The following ZFPM2 variants were observed in gnomAD, a reference collection of about 807,000 sequenced individuals.
ZFPM2 encodes zinc finger protein, FOG family member 2, also known as zinc finger protein ZFPM2.
In ZFPM2, 20 loss-of-function variants were observed where a neutral mutation model predicts 98.6. That is an observed-to-expected ratio of 0.20 (90% CI 0.14 to 0.29). ZFPM2 has a LOEUF of 0.29. ZFPM2 is among the 10% of genes least tolerant of loss of function. The pLI is 1.00. For synonymous variants in ZFPM2, 518 were observed against 502.7 expected (o/e 1.03, Z -0.41); for missense variants, 1,310 against 1,388.6 (o/e 0.94, Z 0.90).
At chr8:105,437,574 G>A (rs1035292179) in intron 2 of ZFPM2, among the ~76,000 whole-genome samples, 1 of 152,148 alleles carries the variant, frequency 6.6e-6, no homozygotes, top group African/African-American at 2.4e-5. Context: ...TCACTCAGTC[G>A]AAGTACTTTT....
intron 5 of ZFPM2, among the ~76,000 whole-genome samples, chr8:105,736,316 A>C (rs575595610): frequency 6.6e-6 from 1 of 152,138 alleles, no homozygotes; most frequent in African/African-American, 2.4e-5. Context: ...TTAGACATTT[A>C]GAAATATTTG....
chr8:105,444,551 T>A (rs1039946300), intron 3 of ZFPM2, among the ~76,000 whole-genome samples, 170 bp downstream of exon 3: 4 of 152,234 alleles, frequency 2.6e-5, no homozygotes, highest in African/African-American at 9.6e-5. Context: ...ATTTTTGTTA[T>A]ATAAATTATA....
At chr8:105,552,812 C>CTTTT (rs781365155) in intron 3 of ZFPM2, among the ~76,000 whole-genome samples, 12 of 112,462 alleles carry the variant, frequency 1.1e-4, no homozygotes, top group African/African-American at 2.9e-4. Flanking sequence ...TTCAGATGTT[C>CTTTT]TTTTTTTTTT....
chr8:105,464,007 C>T (rs1812750573), intron 3 of ZFPM2, among the ~76,000 whole-genome samples: 2 of 152,070 alleles, frequency 1.3e-5, no homozygotes. Context: ...CTTCTCTGTT[C>T]CCTTTGTTTC....
intron 5 of ZFPM2, among the ~76,000 whole-genome samples, chr8:105,680,166 T>C (rs375723982): frequency 2.0e-5 from 3 of 152,306 alleles, no homozygotes; most frequent in East Asian, 3.9e-4. Flanking sequence ...ATATCAAACA[T>C]TGGAGGCTTG....
intron 6 of ZFPM2, among the ~76,000 whole-genome samples, chr8:105,791,834 G>A (rs933822999): frequency 1.3e-5 from 2 of 152,000 alleles, no homozygotes; most frequent in Non-Finnish European, 2.9e-5. Context: ...TGTATGTGTC[G>A]AGGAATTTAT....
chr8:105,409,042 G>C (rs1219757020), intron 1 of ZFPM2, among the ~76,000 whole-genome samples: 1 of 151,842 alleles, frequency 6.6e-6, no homozygotes, highest in Non-Finnish European at 1.5e-5. Flanking sequence ...AGTGGAACAT[G>C]TGTGTGATCT....
At chr8:105,414,043 T>C (rs1207133925) in intron 1 of ZFPM2, among the ~76,000 whole-genome samples, 3 of 151,940 alleles carry the variant, frequency 2.0e-5, no homozygotes, top group Non-Finnish European at 4.4e-5. Context: ...CCCAGTATTC[T>C]GAAACAATCT....
intron 5 of ZFPM2, among the ~76,000 whole-genome samples, chr8:105,696,612 G>A (rs752461792): frequency 1.4e-4 from 21 of 152,102 alleles, no homozygotes; most frequent in African/African-American, 2.2e-4. Flanking sequence ...AATAGCATTC[G>A]CATAGCTGCC....
intron 4 of ZFPM2, among the ~76,000 whole-genome samples, chr8:105,587,279 A>G (rs899767665): frequency 7.3e-5 from 8 of 109,446 alleles, no homozygotes; most frequent in South Asian, 3.1e-4. Context: ...TCTGTCTCAG[A>G]AAAAAAAAAA....
At chr8:105,385,580 G>C (rs1200178157) in intron 1 of ZFPM2, among the ~76,000 whole-genome samples, 1 of 152,158 alleles carries the variant, frequency 6.6e-6, no homozygotes, top group Non-Finnish European at 1.5e-5. Context: ...TTATCTGTCA[G>C]TAATGTACGT....
At position 105,781,814 on chromosome 8, in the gene ZFPM2, A is replaced by G. The variant is rs148755798; in HGVS notation, c.533-6904A>G. Among the ~76,000 whole-genome samples the G allele has an allele frequency of 4.5e-3, 684 of 152,310 alleles. 7 individuals are homozygous for G. Among genetic ancestry groups the G allele is most frequent in the Admixed American group, 0.032 (482 of 15,292 alleles). Reference sequence around the variant, plus strand: ...GCTATGCATTTAAAAACTCTATCTAATAACTAACTATGTAACCTGCCTAAT... The same window carrying G: ...GCTATGCATTTAAAAACTCTATCTAGTAACTAACTATGTAACCTGCCTAAT... On this transcript the variant is annotated intron_variant, in intron 5 of 7. Transcript: ENST00000407775.
At chr8:105,604,833 A>G (rs967408994) in intron 4 of ZFPM2, among the ~76,000 whole-genome samples, 13 of 152,178 alleles carry the variant, frequency 8.5e-5, no homozygotes, top group African/African-American at 3.1e-4. Flanking sequence ...ACCTAAAATC[A>G]CCTTATAGTT....
At chr8:105,571,603 G>A (rs1815355532) in intron 4 of ZFPM2, among the ~76,000 whole-genome samples, 1 of 152,104 alleles carries the variant, frequency 6.6e-6, no homozygotes, top group African/African-American at 2.4e-5. Context: ...AATTAGTTTG[G>A]CAGGATATGC....
chr8:105,601,616 C>T (rs1816093730), intron 4 of ZFPM2, among the ~76,000 whole-genome samples: 1 of 152,074 alleles, frequency 6.6e-6, no homozygotes, highest in Non-Finnish European at 1.5e-5. Context: ...TTATACCCCT[C>T]TCTGTCTTTT....
At chr8:105,471,038 C>CT (rs1459270242) in intron 3 of ZFPM2, among the ~76,000 whole-genome samples, 1 of 151,982 alleles carries the variant, frequency 6.6e-6, no homozygotes, top group African/African-American at 2.4e-5. Flanking sequence ...TATTGAAAAT[C>CT]TTTTTTCTGC....
At chr8:105,501,184 CT>C (rs147662695) in intron 3 of ZFPM2, among the ~76,000 whole-genome samples, 33,196 of 127,146 alleles carry the variant, frequency 0.26, 3,587 homozygotes, top group South Asian at 0.36. Context: ...TTACTTTTCT[CT>C]TTTTTTTTTT....
At chr8:105,472,169 A>G (rs1464364977) in intron 3 of ZFPM2, among the ~76,000 whole-genome samples, 2 of 152,200 alleles carry the variant, frequency 1.3e-5, no homozygotes, top group Non-Finnish European at 2.9e-5. Flanking sequence ...GTACACCAAT[A>G]TGCTTTCAAA....
In ZFPM2 at chr8:105,323,418, G is replaced by A. The variant is rs115903361; in HGVS notation, c.40+4437G>A. On this transcript the variant is annotated intron_variant, in intron 1 of 7. Coordinates refer to ENST00000407775, the MANE Select transcript of ZFPM2 (RefSeq NM_012082.4). Reference sequence around the variant, plus strand: ...TTTGGTCTGTAATACTTCTCATATTGGAGATTTTTATTTTCTACATTTTTG... The same window carrying A: ...TTTGGTCTGTAATACTTCTCATATTAGAGATTTTTATTTTCTACATTTTTG... Among the ~76,000 whole-genome samples, 1,024 of 151,644 alleles carry A rather than the reference G, an allele frequency of 6.8e-3. 7 individuals carry two copies. Among genetic ancestry groups the A allele is most frequent in the African/African-American group, 0.023 (969 of 41,402 alleles).
Sources: allele counts gnomAD v4.1 joint callset (sites outside exome capture counted in the v4.1 genomes callset), GRCh38; gene constraint gnomAD v4.1.1; transcripts MANE v1.5; gene names NCBI Gene and HGNC (gene_info 2026-07-23, HGNC 2026-07-21).